The following ABRAXAS2 variants were observed in gnomAD, a reference collection of about 807,000 sequenced individuals.
The protein encoded by ABRAXAS2 is BRISC complex subunit Abraxas 2.
In ABRAXAS2, 23 loss-of-function variants were observed where a neutral mutation model predicts 49.0. That is an observed-to-expected ratio of 0.47 (90% CI 0.34 to 0.66). ABRAXAS2 has a LOEUF of 0.66. Among genes scored for constraint, ABRAXAS2 ranks in the 30% least tolerant of loss-of-function variants. The pLI, the probability that ABRAXAS2 is intolerant of heterozygous loss-of-function variation, is 0.01. For synonymous variants in ABRAXAS2, 168 were observed against 180.2 expected, an observed-to-expected ratio of 0.93 and a Z score of 0.54; for missense variants, 443 against 511.9, an observed-to-expected ratio of 0.87 and a Z score of 1.30.
At chr10:124,833,297 T>C (rs1950947193) in intron 8 of ABRAXAS2, among the ~76,000 whole-genome samples, 1 of 124,610 alleles carries the variant, frequency 8.0e-6, no homozygotes, top group South Asian at 3.0e-4. Flanking sequence ...CAAAACCCCA[T>C]CTCTACTTCA....
chr10:124,833,153 A>G (rs1371658809), intron 8 of ABRAXAS2, among the ~76,000 whole-genome samples: 1 of 149,566 alleles, frequency 6.7e-6, no homozygotes, highest in Admixed American at 6.7e-5. Flanking sequence ...CTCAAAAAAA[A>G]AAAAAAGAAA....
chr10:124,833,325 C>T (rs1434936191), intron 8 of ABRAXAS2, among the ~76,000 whole-genome samples: 3 of 146,820 alleles, frequency 2.0e-5, no homozygotes, highest in East Asian at 3.9e-4. Flanking sequence ...AAAAGCCAGG[C>T]ATGGTGGCAT....
chr10:124,812,108 A>G (rs991179002), intron 2 of ABRAXAS2, among the ~76,000 whole-genome samples: 10 of 152,232 alleles, frequency 6.6e-5, no homozygotes, highest in African/African-American at 2.4e-4. Flanking sequence ...AACATAAAGT[A>G]CTGATTCTTT....
chr10:124,831,540 T>G, intron 8 of ABRAXAS2, 77 bp downstream of exon 8: 1 of 760,284 alleles, frequency 1.3e-6, no homozygotes, highest in Middle Eastern at 3.4e-4. Flanking sequence ...ATACAATAAA[T>G]TATGTGCCTC....
At chr10:124,811,382 C>T (rs774033041) in intron 2 of ABRAXAS2, among the ~76,000 whole-genome samples, 13 of 152,200 alleles carry the variant, frequency 8.5e-5, no homozygotes, top group Middle Eastern at 3.4e-3. Context: ...CCTCTCTTAC[C>T]TGGCATGATC....
At chr10:124,807,524 G>A (rs1290670050) in intron 2 of ABRAXAS2, among the ~76,000 whole-genome samples, 5 of 139,954 alleles carry the variant, frequency 3.6e-5, no homozygotes, top group East Asian at 2.3e-4. Context: ...GTGGTGGCGG[G>A]TGCCTGTAAT....
intron 4 of ABRAXAS2, among the ~76,000 whole-genome samples, chr10:124,819,819 T>C (rs544514630): frequency 5.5e-4 from 84 of 152,160 alleles, no homozygotes; most frequent in African/African-American, 1.9e-3. Context: ...CACAGGTGTT[T>C]TTCCAAAAGG....
chr10:124,834,767 A>G lies in ABRAXAS2; in HGVS notation c.1044A>G (p.Gly348=). ...GSSNYASTSA[G]LKYPGSGADL... Reference sequence around the variant, plus strand: ...CCAATTATGCTTCCACCAGTGCCGGACTGAAGTATCCTGGAAGTGGGGCTG... The same window carrying G: ...CCAATTATGCTTCCACCAGTGCCGGGCTGAAGTATCCTGGAAGTGGGGCTG... Residue 348 remains glycine, a synonymous_variant, in exon 9 of 9, where the codon GGA becomes GGG. Transcript: ENST00000298492. The G allele has an allele frequency of 2.5e-6, 4 of 1,614,118 alleles. No individual in the cohort carries two copies. The highest frequency in any genetic ancestry group is 3.4e-6 in the Non-Finnish European group (4 of 1,180,028).
intron 2 of ABRAXAS2, chr10:124,815,163 G>A (rs1950815336): frequency 6.6e-6 from 1 of 151,768 alleles, no homozygotes; most frequent in South Asian, 2.1e-4. Context: ...GAAGCTACTG[G>A]GCCTAGTCCC....
intron 3 of ABRAXAS2, among the ~76,000 whole-genome samples, chr10:124,817,484 C>G (rs945914006): frequency 2.0e-5 from 3 of 152,148 alleles, no homozygotes; most frequent in Non-Finnish European, 4.4e-5. Context: ...GATTTCAACT[C>G]TGTGTTTCAT....
Position 124,828,739 on chromosome 10 carries a change from C to T in ABRAXAS2, c.459-17C>T, listed in dbSNP as rs367686075. The T allele has an allele frequency of 8.7e-6, 14 of 1,609,556 alleles. No individual in the cohort carries two copies. Among genetic ancestry groups the T allele is most frequent in the African/African-American group, 1.3e-5 (1 of 74,610 alleles). ...GAATGGTACATTTAACATGATCTCT[C>T]TGAATTTTTCCCATAGGTATAATCA... On this transcript the variant is annotated splice_polypyrimidine_tract_variant and intron_variant, in intron 5 of 8. Transcript: ENST00000298492.
chr10:124,810,102 T>G (rs1230768649), intron 2 of ABRAXAS2, among the ~76,000 whole-genome samples: 1 of 152,150 alleles, frequency 6.6e-6, no homozygotes. Context: ...CTAGTGTTAG[T>G]ATATTTTATG....
At chr10:124,818,350 C>G (rs565126807) in intron 3 of ABRAXAS2, among the ~76,000 whole-genome samples, 2 of 149,888 alleles carry the variant, frequency 1.3e-5, no homozygotes, top group Non-Finnish European at 3.0e-5. Context: ...GAGCCGAGAT[C>G]GCGCCACTGC....
rs981695205 is a variant in ABRAXAS2 at position 124,836,411 on chromosome 10, T to C, written c.*1440T>C. ...TCTTTTAACTACTCTCCTGGTTATGTTGGCCTTACACCACTGCCATTTGAT... is the reference window on the plus strand; with the variant it reads ...TCTTTTAACTACTCTCCTGGTTATGCTGGCCTTACACCACTGCCATTTGAT... On this transcript the variant is annotated 3_prime_UTR_variant, in exon 9 of 9. Coordinates refer to ENST00000298492, the MANE Select transcript of ABRAXAS2 (RefSeq NM_032182.4). 1 of 149,288 alleles carries C rather than the reference T, an allele frequency of 6.7e-6. No homozygotes were observed. Among genetic ancestry groups the C allele is most frequent in the African/African-American group, 2.4e-5 (1 of 40,822 alleles). The allele number at this position is 149,288 out of a possible 1,614,324, so 9.2% of individuals were successfully genotyped here.
intron 2 of ABRAXAS2, among the ~76,000 whole-genome samples, chr10:124,808,768 A>G (rs935544919): frequency 3.3e-5 from 5 of 152,242 alleles, no homozygotes; most frequent in African/African-American, 1.2e-4. Flanking sequence ...CATAAAACAC[A>G]TAGCGAATCT....
At position 124,801,882 on chromosome 10, in the gene ABRAXAS2, C is replaced by A; in HGVS notation, c.53C>A (p.Ala18Asp). The stretch of plus-strand genomic sequence containing the variant: ...TTCAGTGCTGTGTGTTTCCACAGCG[C>A]CAACAGCAACGCGGACCACGTAGGT... ...YTFSAVCFHS[A>D]NSNADHEGFL... Residue 18 changes from alanine to aspartate, a missense_variant, in exon 1 of 9, where the codon GCC becomes GAC. Ala to Asp is a moderately radical substitution (Grantham distance 126, BLOSUM62 -2). Around this residue, in one of 3 missense-constraint regions of ABRAXAS2, gnomAD observed 47 missense variants for 27.6 expected, o/e 1.70. Transcript: ENST00000298492. The A allele has an allele frequency of 6.2e-7, 1 of 1,613,150 alleles. No homozygotes were observed. The highest frequency in any genetic ancestry group is 8.5e-7 in the Non-Finnish European group (1 of 1,179,758).
At position 124,816,504 on chromosome 10, in the gene ABRAXAS2, G is replaced by A; in HGVS notation, c.164-72G>A. Reference sequence around the variant, plus strand: ...TCAGAGATTTTGATTAAAAAAAAAAGTCCTGAGCTATTTTATAGTTGCCTA... The same window carrying A: ...TCAGAGATTTTGATTAAAAAAAAAAATCCTGAGCTATTTTATAGTTGCCTA... On this transcript the variant is annotated intron_variant, in intron 2 of 8. Coordinates refer to ENST00000298492, the MANE Select transcript of ABRAXAS2 (RefSeq NM_032182.4). 4 of 943,410 alleles carry A rather than the reference G, an allele frequency of 4.2e-6. No homozygotes were observed. In the South Asian group the frequency reaches 6.0e-5, roughly 14 times the overall value. The allele number at this position is 943,410 out of a possible 1,614,324, so 58.4% of individuals were successfully genotyped here. A position where few individuals can be genotyped will look rare whatever the true frequency, so the allele number is the denominator to read the frequency against.
At chr10:124,829,347 G>T in intron 6 of ABRAXAS2, 46 bp from the exon 7 acceptor site, 1 of 1,291,954 alleles carries the variant, frequency 7.7e-7, no homozygotes, top group South Asian at 1.2e-5. Flanking sequence ...CCATTTCACC[G>T]CAGTTATGAT....
intron 2 of ABRAXAS2, among the ~76,000 whole-genome samples, chr10:124,810,450 C>T (rs1589803433): frequency 6.6e-6 from 1 of 152,026 alleles, no homozygotes; most frequent in Admixed American, 6.6e-5. Context: ...TGCTTGAGCC[C>T]GAAAGTTTGA....
Sources: gnomAD v4.1 joint callset for allele counts (sites outside exome capture counted in the v4.1 genomes callset) on GRCh38, gnomAD v4.1.1 for gene constraint, gnomAD v4.1.1 regional missense constraint, MANE v1.5 for transcripts, NCBI Gene and HGNC (gene_info 2026-07-23, HGNC 2026-07-21) for gene names.